The following FAXC variants were observed in gnomAD, a reference collection of about 807,000 sequenced individuals.
The protein encoded by FAXC is failed axon connections homolog, metaxin like GST domain containing.
A neutral mutation model predicts 41.9 loss-of-function variants in FAXC; 10 were observed. The observed-to-expected ratio is 0.24, with a 90% CI of 0.15 to 0.41. FAXC has a LOEUF of 0.41. Ranked by LOEUF, FAXC falls within the 10% of genes least tolerant of loss-of-function variation. FAXC has a pLI of 1.00. For missense variants in FAXC, 399 were observed against 510.9 expected, an observed-to-expected ratio of 0.78 and a Z score of 2.11; for synonymous variants, 183 against 183.8, an observed-to-expected ratio of 1.00 and a Z score of 0.03.
intron 4 of FAXC, 141 bp from the exon 5 acceptor site, chr6:99,291,961 T>C (rs970289023): frequency 7.4e-6 from 5 of 678,956 alleles, no homozygotes; most frequent in Non-Finnish European, 1.1e-5. Context: ...CACACCCTTT[T>C]GCTTAAAAAA....
At chr6:99,311,467 C>T (rs1437720303) in intron 4 of FAXC, among the ~76,000 whole-genome samples, 1 of 152,062 alleles carries the variant, frequency 6.6e-6, no homozygotes, top group Non-Finnish European at 1.5e-5. Flanking sequence ...CCCAGCTACT[C>T]GGGAGGCTGA....
chr6:99,327,871 C>CTAT (rs1361326569), intron 3 of FAXC, among the ~76,000 whole-genome samples: 1 of 152,200 alleles, frequency 6.6e-6, no homozygotes, highest in Non-Finnish European at 1.5e-5. Flanking sequence ...TTCTCCAACT[C>CTAT]TATAAACACT....
At chr6:99,308,035 A>G (rs221532) in intron 4 of FAXC, among the ~76,000 whole-genome samples, 133,175 of 152,266 alleles carry the variant, frequency 0.87, 58,736 homozygotes, top group East Asian at 1. Context: ...AGTGGCTTAC[A>G]CCTGTAATCC....
rs191644184 is a variant in FAXC, at chr6:99,339,198, C to T, written c.402+3700G>A. On this transcript the variant is annotated intron_variant, in intron 2 of 5. Transcript: ENST00000389677. ...TGGGGAGCCCACCCCCTCCAACCTC[C>T]CAGTTGGTCTGTTACAACCTGAGGA... Among the ~76,000 whole-genome samples, 199 of 152,332 alleles carry T rather than the reference C, an allele frequency of 1.3e-3. 1 individual carries two copies. In the Middle Eastern group the frequency reaches 0.024, roughly 18 times the overall value.
intron 4 of FAXC, among the ~76,000 whole-genome samples, chr6:99,306,757 C>T (rs1053025116): frequency 6.6e-6 from 1 of 152,116 alleles, no homozygotes; most frequent in Non-Finnish European, 1.5e-5. Flanking sequence ...GCTTGGTGTC[C>T]CTGGGCAAGT....
intron 3 of FAXC, 58 bp from the exon 4 acceptor site, chr6:99,323,725 G>T: frequency 7.5e-7 from 1 of 1,340,928 alleles, no homozygotes; most frequent in Non-Finnish European, 1.1e-6. Flanking sequence ...AGCTCCACAG[G>T]GTCACTTTAG....
rs1476174896 is a variant in FAXC, at chr6:99,276,296, G to C, written c.*4868C>G. 1 of 152,114 alleles carries C rather than the reference G, an allele frequency of 6.6e-6. No individual in the cohort carries two copies. Among genetic ancestry groups the C allele is most frequent in the Non-Finnish European group, 1.5e-5 (1 of 68,030 alleles). 9.4% of individuals were successfully genotyped at this position (152,114 alleles called of 1,614,324 possible). ...GAATACAGGAAAACCTGATTGTGCA[G>C]ACCTTTCTTCTTTAAGGAAGAAAAA... is the stretch of plus-strand genomic sequence containing the variant. On this transcript the variant is annotated 3_prime_UTR_variant, in exon 6 of 6. Coordinates refer to ENST00000389677, the MANE Select transcript of FAXC (RefSeq NM_032511.4).
intron 4 of FAXC, among the ~76,000 whole-genome samples, chr6:99,307,173 G>A (rs1771958201): frequency 6.6e-6 from 1 of 152,182 alleles, no homozygotes; most frequent in South Asian, 2.1e-4. Context: ...CCTTTCAAGA[G>A]CCAACTAGTA....
At chr6:99,311,361 G>T (rs1183472568) in intron 4 of FAXC, among the ~76,000 whole-genome samples, 1 of 152,142 alleles carries the variant, frequency 6.6e-6, no homozygotes, top group Non-Finnish European at 1.5e-5. Context: ...TGGATCACGA[G>T]GTCAGGAGTT....
chr6:99,328,904 A>G (rs1400794066), intron 3 of FAXC, among the ~76,000 whole-genome samples: 19 of 152,236 alleles, frequency 1.2e-4, no homozygotes, highest in Admixed American at 1.2e-3. Flanking sequence ...GATTAAATGA[A>G]AAAAGGCTTT....
Position 99,332,387 on chromosome 6 carries a change from C to T in FAXC, c.599+964G>A, listed in dbSNP as rs370455710. Among the ~76,000 whole-genome samples, 14 of 152,270 alleles carry T rather than the reference C, an allele frequency of 9.2e-5. No homozygotes were observed. In the East Asian group the frequency reaches 2.1e-3, roughly 23 times the overall value. ...GCCAAAAACAATGGGCTTAACAACTCTTAATTCAATCTTTGGAAAAAGATA... is the reference window on the plus strand; with the variant it reads ...GCCAAAAACAATGGGCTTAACAACTTTTAATTCAATCTTTGGAAAAAGATA... On this transcript the variant is annotated intron_variant, in intron 3 of 5. Transcript: ENST00000389677.
In FAXC at chr6:99,334,708, C is replaced by T. The variant is rs375023141; in HGVS notation, c.403-1161G>A. ...ATTCTCAGATGCAATCTATCCTCCA[C>T]ACTGCCACCAGAGGGAACTGTTTAC... On this transcript the variant is annotated intron_variant, in intron 2 of 5. Transcript: ENST00000389677. The T allele has an allele frequency of 6.5e-5, 25 of 385,896 alleles. No individual in the cohort carries two copies. The South Asian group carries it at 1.4e-3, about 21-fold the overall frequency. The allele number at this position is 385,896 out of a possible 1,614,324, so 23.9% of individuals were successfully genotyped here. A position where few individuals can be genotyped will look rare whatever the true frequency, so the allele number is the denominator to read the frequency against.
chr6:99,323,519 C>T lies in FAXC; in HGVS notation c.748G>A (p.Gly250Ser), dbSNP rs140144378. The change falls in exon 4 of 6, where the codon GGC becomes AGC. Residue 250 changes from glycine (G) to serine (S), a missense_variant. Physicochemically the swap from Gly to Ser is moderately conservative, Grantham distance 56 (BLOSUM62 0). Coordinates refer to ENST00000389677, the MANE Select transcript of FAXC (RefSeq NM_032511.4). Reference sequence around the variant, plus strand: ...TCTTCCTCGGAGAAGCGGCCAATGCCGTGGCCGTGCATCTCGCGTTTCACA... The same window carrying T: ...TCTTCCTCGGAGAAGCGGCCAATGCTGTGGCCGTGCATCTCGCGTTTCACA... ...GIVKREMHGH[G>S]IGRFSEEEIY... The T allele has an allele frequency of 1.1e-5, 17 of 1,614,224 alleles. No individual in the cohort carries two copies. The highest frequency in any genetic ancestry group is 1.1e-5 in the South Asian group (1 of 91,080).
chr6:99,316,440 C>G (rs13205869), intron 4 of FAXC, among the ~76,000 whole-genome samples: 54,856 of 151,222 alleles, frequency 0.36, 10,653 homozygotes, highest in Middle Eastern at 0.46. Flanking sequence ...TCTGAGCTCA[C>G]TGAAGCCAGT....
intron 4 of FAXC, among the ~76,000 whole-genome samples, chr6:99,300,295 T>C (rs1771655384): frequency 6.6e-6 from 1 of 152,226 alleles, no homozygotes; most frequent in Non-Finnish European, 1.5e-5. Flanking sequence ...GGGCATACTT[T>C]ATAATTTTAG....
intron 4 of FAXC, among the ~76,000 whole-genome samples, chr6:99,319,941 TCTC>T (rs1477343801): frequency 2.0e-5 from 3 of 152,220 alleles, no homozygotes; most frequent in African/African-American, 4.8e-5. Context: ...AGCTACATAA[TCTC>T]CTAATTTCTA....
intron 4 of FAXC, among the ~76,000 whole-genome samples, chr6:99,316,636 A>G (rs1772368038): frequency 6.6e-6 from 1 of 152,050 alleles, no homozygotes; most frequent in South Asian, 2.1e-4. Flanking sequence ...GAGCATCAAC[A>G]CTGCTTCATG....
chr6:99,306,674 G>A (rs1771933332), intron 4 of FAXC, among the ~76,000 whole-genome samples: 1 of 152,136 alleles, frequency 6.6e-6, no homozygotes, highest in South Asian at 2.1e-4. Context: ...GTAAGATAAA[G>A]GCTAAAAAGT....
intron 4 of FAXC, among the ~76,000 whole-genome samples, chr6:99,296,744 G>T (rs113995398): frequency 0.01 from 1,544 of 152,278 alleles, 31 homozygotes; most frequent in African/African-American, 0.035. Context: ...ACAGACCAGG[G>T]ATAAAATACA....
Sources: allele counts gnomAD v4.1 joint callset (sites outside exome capture counted in the v4.1 genomes callset), GRCh38; gene constraint gnomAD v4.1.1; transcripts MANE v1.5; gene names NCBI Gene and HGNC (gene_info 2026-07-23, HGNC 2026-07-21).